MAMDC2: variants seen among roughly 807,000 people sequenced by gnomAD.
MAMDC2 encodes the protein MAM domain containing 2.
Under a neutral mutation model 89.8 loss-of-function variants are expected in MAMDC2, and 57 were observed. That is an observed-to-expected ratio of 0.63 (90% CI 0.51 to 0.79). The LOEUF is 0.79. Ranked by LOEUF, MAMDC2 falls within the 30% of genes least tolerant of loss-of-function variation. The pLI is 0.00. For missense variants in MAMDC2, 800 were observed against 820.6 expected (o/e 0.97, Z 0.31); for synonymous variants, 313 against 293.4 (o/e 1.07, Z -0.68).
At position 70,121,593 on chromosome 9, in the gene MAMDC2, T is replaced by C. The variant is rs1401841985; in HGVS notation, c.644-4566T>C. Among the ~76,000 whole-genome samples, 3 of 152,234 alleles carry C rather than the reference T, an allele frequency of 2.0e-5. No individual in the cohort carries two copies. In the East Asian group the frequency reaches 5.8e-4, roughly 29 times the overall value. The stretch of plus-strand genomic sequence containing the variant: ...CCTCTTTCGTTTTCAGTTCAAGTTG[T>C]AATACTTTAGAATCTCTGTGGCCTG... On this transcript the variant is annotated intron_variant, in intron 5 of 13. Transcript: ENST00000377182.
At chr9:70,133,232 G>T (rs903709650) in intron 7 of MAMDC2, among the ~76,000 whole-genome samples, 6 of 152,058 alleles carry the variant, frequency 3.9e-5, no homozygotes, top group Non-Finnish European at 4.4e-5. Flanking sequence ...TAATATCTGC[G>T]CTGGGCAGAG....
At chr9:70,209,691 T>G (rs1014046034) in intron 11 of MAMDC2, among the ~76,000 whole-genome samples, 12 of 152,232 alleles carry the variant, frequency 7.9e-5, no homozygotes, top group Non-Finnish European at 1.5e-5. Context: ...TGAATGTGTT[T>G]GCTCTTGCTT....
At chr9:70,098,872 C>T (rs564980516) in intron 2 of MAMDC2, among the ~76,000 whole-genome samples, 64 of 152,246 alleles carry the variant, frequency 4.2e-4, no homozygotes, top group African/African-American at 1.4e-3. Context: ...GATCATTTGA[C>T]AGGCTTAAGG....
intron 2 of MAMDC2, chr9:70,060,654 C>T (rs995366239): frequency 7.2e-5 from 11 of 152,092 alleles, no homozygotes; most frequent in African/African-American, 2.7e-4. Flanking sequence ...ATACTAAATT[C>T]CAAGACACTG....
At chr9:70,084,114 T>C (rs1827715314) in intron 2 of MAMDC2, among the ~76,000 whole-genome samples, 1 of 152,148 alleles carries the variant, frequency 6.6e-6, no homozygotes, top group Non-Finnish European at 1.5e-5. Flanking sequence ...TGTTGGAATC[T>C]TCTTCTGCTC....
chr9:70,070,480 C>T (rs1827376890), intron 2 of MAMDC2, among the ~76,000 whole-genome samples: 1 of 152,050 alleles, frequency 6.6e-6, no homozygotes, highest in Non-Finnish European at 1.5e-5. Flanking sequence ...TCTACAAAAC[C>T]CCACTCACTG....
chr9:70,078,089 GA>G (rs200584273), intron 2 of MAMDC2, among the ~76,000 whole-genome samples: 12 of 151,648 alleles, frequency 7.9e-5, no homozygotes, highest in South Asian at 6.3e-4. Context: ...TTAGGAAATA[GA>G]AAAAAAACTG....
At chr9:70,154,789 G>A (rs140941514) in intron 9 of MAMDC2, among the ~76,000 whole-genome samples, 207 of 152,236 alleles carry the variant, frequency 1.4e-3, no homozygotes, top group Non-Finnish European at 2.6e-3. Flanking sequence ...TGGGATTACA[G>A]GCGTGAGCCA....
Position 70,203,535 on chromosome 9 carries a change from TG to T in MAMDC2, c.1652-14800del, listed in dbSNP as rs1469323504. On this transcript the variant is annotated intron_variant, in intron 11 of 13. Transcript: ENST00000377182. ...TGGTGAATCTGACATTTATGTGTCT[TG>T]GAGTTGCTCTTCTCGAGGAGTATCT... 1.2e-4 allele frequency among the ~76,000 whole-genome samples: 16 copies of T among 131,794 alleles called. 1 individual carries two copies. Among genetic ancestry groups the T allele is most frequent in the African/African-American group, 4.1e-4 (15 of 36,782 alleles). The allele number at this position is 131,794 out of a possible 152,430, so 86.5% of individuals were successfully genotyped here. A position where few individuals can be genotyped will look rare whatever the true frequency, so the allele number is the denominator to read the frequency against.
Position 70,179,528 on chromosome 9 carries a change from AAAAT to A in MAMDC2, c.1651+8917_1651+8920del, listed in dbSNP as rs201699305. On this transcript the variant is annotated intron_variant, in intron 11 of 13. Coordinates refer to ENST00000377182, the MANE Select transcript of MAMDC2 (RefSeq NM_153267.5). ...AACAGAGCAAGACTCCGTCTCAAAA[AAAAT>A]AAATAAATAAATAAATAAAAATAAA... is the stretch of plus-strand genomic sequence containing the variant. Among the ~76,000 whole-genome samples, 419 of 85,120 alleles carry A rather than the reference AAAAT, an allele frequency of 4.9e-3. 1 individual carries two copies. Among genetic ancestry groups the A allele is most frequent in the African/African-American group, 0.018 (401 of 22,698 alleles). The allele number at this position is 85,120 out of a possible 152,430, so 55.8% of individuals were successfully genotyped here. A position where few individuals can be genotyped will look rare whatever the true frequency, so the allele number is the denominator to read the frequency against.
At chr9:70,180,950 T>C (rs940047971) in intron 11 of MAMDC2, among the ~76,000 whole-genome samples, 37 of 152,350 alleles carry the variant, frequency 2.4e-4, no homozygotes, top group East Asian at 1.3e-3. Context: ...CTGAATGGTA[T>C]TGCCTAGGTT....
rs540360524 is a variant in MAMDC2, at chr9:70,131,751, T to C, written c.994+139T>C. 355 of 678,122 alleles carry C rather than the reference T, an allele frequency of 5.2e-4. 3 individuals carry two copies. The highest frequency in any genetic ancestry group is 5.5e-4 in the Middle Eastern group (2 of 3,630). 42.0% of individuals were successfully genotyped at this position (678,122 alleles called of 1,614,324 possible). A position where few individuals can be genotyped will look rare whatever the true frequency, so the allele number is the denominator to read the frequency against. On this transcript the variant is annotated intron_variant, in intron 7 of 13. Coordinates refer to ENST00000377182, the MANE Select transcript of MAMDC2 (RefSeq NM_153267.5). ...CCTTAAAAAATTATTTAATCAAAGG[T>C]CATTTTTCTGGAATATTACTCTCTT...
intron 2 of MAMDC2, among the ~76,000 whole-genome samples, chr9:70,048,474 T>C (rs1826810516): frequency 6.6e-6 from 1 of 152,166 alleles, no homozygotes; most frequent in Non-Finnish European, 1.5e-5. Flanking sequence ...AATTTTTGTA[T>C]TTTTAGTAGA....
chr9:70,122,307 T>C (rs1222361333), intron 5 of MAMDC2, among the ~76,000 whole-genome samples: 7 of 152,188 alleles, frequency 4.6e-5, no homozygotes, highest in African/African-American at 1.7e-4. Flanking sequence ...AATGTGACTG[T>C]GGTTCACTTG....
intron 9 of MAMDC2, among the ~76,000 whole-genome samples, chr9:70,154,476 G>A (rs1010027270): frequency 1.3e-5 from 2 of 151,978 alleles, no homozygotes; most frequent in Admixed American, 1.3e-4. Flanking sequence ...GGAATACCTG[G>A]CTAGAGTGAA....
At chr9:70,187,182 A>G (rs764127375) in intron 11 of MAMDC2, among the ~76,000 whole-genome samples, 1 of 152,102 alleles carries the variant, frequency 6.6e-6, no homozygotes, top group Non-Finnish European at 1.5e-5. Flanking sequence ...GCCCCTGCCT[A>G]ACTGTCTCTC....
intron 9 of MAMDC2, among the ~76,000 whole-genome samples, chr9:70,148,907 T>C (rs12005951): frequency 0.012 from 1,718 of 148,816 alleles, 104 homozygotes; most frequent in African/African-American, 0.04. Flanking sequence ...CAAGCACCTG[T>C]AGTCCCAGCT....
chr9:70,092,113 A>G (rs977238256), intron 2 of MAMDC2: 8 of 152,210 alleles, frequency 5.3e-5, no homozygotes, highest in Non-Finnish European at 8.8e-5. Context: ...TTAAAGGTAA[A>G]GCGCTGAGTA....
At chr9:70,125,807 A>G (rs969739951) in intron 5 of MAMDC2, among the ~76,000 whole-genome samples, 1 of 152,126 alleles carries the variant, frequency 6.6e-6, no homozygotes, top group African/African-American at 2.4e-5. Flanking sequence ...TTCTCAGGTA[A>G]TGTTCTATTT....
Sources: allele counts gnomAD v4.1 joint callset (sites outside exome capture counted in the v4.1 genomes callset), GRCh38; gene constraint gnomAD v4.1.1; transcripts MANE v1.5; gene names NCBI Gene and HGNC (gene_info 2026-07-23, HGNC 2026-07-21).